The following CRK variants were observed in gnomAD, a reference collection of about 807,000 sequenced individuals.
CRK encodes CRK proto-oncogene, adaptor protein, also known as adapter molecule crk.
CRK carries 4 observed loss-of-function variants against 29.8 expected under a neutral mutation model. The observed-to-expected ratio is 0.13, with a 90% CI of 0.07 to 0.31. The LOEUF (loss-of-function observed/expected upper bound fraction) is 0.31, where lower values mean the gene tolerates loss of function less well. Among genes scored for constraint, CRK ranks in the 10% least tolerant of loss-of-function variants. The probability of loss-of-function intolerance (pLI) is 1.00; values close to 1 mark genes in which losing one functional copy is unlikely to be tolerated. For synonymous variants in CRK, 153 were observed against 164.9 expected, an observed-to-expected ratio of 0.93 and a Z score of 0.55; for missense variants, 274 against 396.5, an observed-to-expected ratio of 0.69 and a Z score of 2.62.
Position 1,436,733 on chromosome 17 carries a change from C to A in CRK, c.664G>T (p.Ala222Ser). Residue 222 changes from alanine (A) to serine (S), a missense_variant, in exon 2 of 3, where the codon GCC becomes TCC. Transcript: ENST00000300574. ...AGCGGAGTGTTGACGCTGGGTTGGG[C>A]ATAGGGCCCAGGCTCCGGCCCACCC... ...PLGGPEPGPYAQPSVNTPLPN... is the reference protein window; with the variant it reads ...PLGGPEPGPYSQPSVNTPLPN... The A allele has an allele frequency of 6.2e-7, 1 of 1,603,202 alleles. No homozygotes were observed. Among genetic ancestry groups the A allele is most frequent in the South Asian group, 1.1e-5 (1 of 89,300 alleles).
intron 1 of CRK, among the ~76,000 whole-genome samples, chr17:1,443,381 T>C (rs1301497525): frequency 3.3e-5 from 5 of 151,798 alleles, no homozygotes; most frequent in South Asian, 4.2e-4. Context: ...AGCTAATTTT[T>C]GTATTTTTTA....
chr17:1,445,756 A>G (rs1242205817), intron 1 of CRK, among the ~76,000 whole-genome samples: 3 of 152,194 alleles, frequency 2.0e-5, no homozygotes, highest in Admixed American at 2.0e-4. Flanking sequence ...AGAAAACTCT[A>G]GGGCAGAGTG....
At chr17:1,440,702 G>A (rs889236816) in intron 1 of CRK, among the ~76,000 whole-genome samples, 3 of 152,224 alleles carry the variant, frequency 2.0e-5, no homozygotes, top group Admixed American at 1.3e-4. Context: ...CATGAGGACA[G>A]GAGAGCGAGA....
In CRK at chr17:1,456,030, G is replaced by C; in HGVS notation, c.88C>G (p.Gln30Glu). Residue 30 changes from glutamine (Q) to glutamate (E), a missense_variant, in exon 1 of 3, where the codon CAG (glutamine) becomes GAG (glutamate). Coordinates refer to ENST00000300574, the MANE Select transcript of CRK (RefSeq NM_016823.4). ...CGCACCAGGAACACCCCGTGCCGCT[G>C]GCCCTGCAGCAGCGCCACCGCCTCC... is the stretch of plus-strand genomic sequence containing the variant. ...RQEAVALLQG[Q>E]RHGVFLVRDS... 1 of 1,596,344 alleles carries C rather than the reference G, an allele frequency of 6.3e-7. No homozygotes were observed. Among genetic ancestry groups the C allele is most frequent in the Non-Finnish European group, 8.5e-7 (1 of 1,173,370 alleles).
chr17:1,450,410 G>C (rs1262151143), intron 1 of CRK, among the ~76,000 whole-genome samples: 1 of 152,108 alleles, frequency 6.6e-6, no homozygotes, highest in Non-Finnish European at 1.5e-5. Context: ...AGGAGGCTGA[G>C]GGAGGAGAAT....
chr17:1,429,044 C>T (rs963426035), intron 2 of CRK, among the ~76,000 whole-genome samples: 2 of 151,924 alleles, frequency 1.3e-5, no homozygotes, highest in Non-Finnish European at 2.9e-5. Context: ...GATGGGGTTT[C>T]ACCATGTTGG....
rs889227428 is a variant in CRK, at chr17:1,456,098, G to A, written c.20C>T (p.Ser7Leu). 2 of 1,554,122 alleles carry A rather than the reference G, an allele frequency of 1.3e-6. No homozygotes were observed. Among genetic ancestry groups the A allele is most frequent in the Non-Finnish European group, 1.7e-6 (2 of 1,153,790 alleles). Residue 7 changes from serine (S) to leucine (L), a missense_variant, in exon 1 of 3, where the codon TCG becomes TTG. Coordinates refer to ENST00000300574, the MANE Select transcript of CRK (RefSeq NM_016823.4). ...CCAGTACCAGCTACTCCGCTCCTCCGAGTCGAAGTTGCCCGCCATGGCTGC... is the reference window on the plus strand; with the variant it reads ...CCAGTACCAGCTACTCCGCTCCTCCAAGTCGAAGTTGCCCGCCATGGCTGC... MAGNFD[S>L]EERSSWYWGR... is the part of the protein sequence containing the mutation.
chr17:1,445,589 G>T lies in CRK; in HGVS notation c.242-8434C>A, dbSNP rs547086581. Among the ~76,000 whole-genome samples the T allele has an allele frequency of 2.6e-5, 4 of 152,328 alleles. No individual in the cohort carries two copies. In the East Asian group the frequency reaches 7.7e-4, roughly 29 times the overall value. On this transcript the variant is annotated intron_variant, in intron 1 of 2. Transcript: ENST00000300574. ...TTTATTGAGGAGGATCACTGATGGA[G>T]AATAATTCCTATTCAAGTCTGGTAG...
intron 1 of CRK, among the ~76,000 whole-genome samples, chr17:1,440,751 C>T (rs866783523): frequency 3.3e-5 from 5 of 151,892 alleles, no homozygotes; most frequent in African/African-American, 1.2e-4. Flanking sequence ...AACAAAAAAA[C>T]CATTAGCCAG....
Position 1,454,992 on chromosome 17 carries a change from C to T in CRK, c.241+885G>A, listed in dbSNP as rs530938937. On this transcript the variant is annotated intron_variant, in intron 1 of 2. Coordinates refer to ENST00000300574, the MANE Select transcript of CRK (RefSeq NM_016823.4). ...AGACTCAGCCCGCAGCCCCATCTTA[C>T]TGAGCAAGGTGACGCCCTGAAGTAC... Among the ~76,000 whole-genome samples the T allele has an allele frequency of 7.9e-5, 12 of 152,300 alleles. No individual in the cohort carries two copies. The South Asian group carries it at 2.5e-3, about 32-fold the overall frequency.
intron 1 of CRK, among the ~76,000 whole-genome samples, chr17:1,450,320 A>C (rs896946117): frequency 3.9e-5 from 6 of 151,984 alleles, no homozygotes; most frequent in East Asian, 1.9e-4. Flanking sequence ...CATCCTGGCT[A>C]ACACGGTGAA....
At chr17:1,433,652 G>T (rs1276382430) in intron 2 of CRK, among the ~76,000 whole-genome samples, 1 of 150,162 alleles carries the variant, frequency 6.7e-6, no homozygotes, top group African/African-American at 2.5e-5. Context: ...CCGAGTAGCT[G>T]GAATTACAGG....
chr17:1,420,764 C>T lies in CRK; in HGVS notation c.*2749G>A, dbSNP rs1201889036. 1 of 151,814 alleles carries T rather than the reference C, an allele frequency of 6.6e-6. No individual in the cohort carries two copies. Among genetic ancestry groups the T allele is most frequent in the South Asian group, 2.1e-4 (1 of 4,820 alleles). The allele number at this position is 151,814 out of a possible 1,614,324, so 9.4% of individuals were successfully genotyped here. A position where few individuals can be genotyped will look rare whatever the true frequency, so the allele number is the denominator to read the frequency against. ...TTACTACATATACTATAAACATATA[C>T]AATACATGCTACCAAAAAAAATTTT... is the stretch of plus-strand genomic sequence containing the variant. On this transcript the variant is annotated 3_prime_UTR_variant, in exon 3 of 3. Coordinates refer to ENST00000300574, the MANE Select transcript of CRK (RefSeq NM_016823.4).
rs953708188 is a variant in CRK, at chr17:1,421,686, A to T, written c.*1827T>A. 4 of 152,108 alleles carry T rather than the reference A, an allele frequency of 2.6e-5. No individual in the cohort carries two copies. Among genetic ancestry groups the T allele is most frequent in the Non-Finnish European group, 4.4e-5 (3 of 68,026 alleles). 9.4% of individuals were successfully genotyped at this position (152,108 alleles called of 1,614,324 possible). A position where few individuals can be genotyped will look rare whatever the true frequency, so the allele number is the denominator to read the frequency against. Reference sequence around the variant, plus strand: ...TTCTCAGGTCTCCTCATTCACTCAGACAAATACGTGCACACTGACTGTGTG... The same window carrying T: ...TTCTCAGGTCTCCTCATTCACTCAGTCAAATACGTGCACACTGACTGTGTG... On this transcript the variant is annotated 3_prime_UTR_variant, in exon 3 of 3. Coordinates refer to ENST00000300574, the MANE Select transcript of CRK (RefSeq NM_016823.4).
chr17:1,452,516 G>A (rs2074025535), intron 1 of CRK, among the ~76,000 whole-genome samples: 1 of 152,140 alleles, frequency 6.6e-6, no homozygotes, highest in Non-Finnish European at 1.5e-5. Flanking sequence ...GCCAGGCGCT[G>A]GTGGCTCACG....
At position 1,420,930 on chromosome 17, in the gene CRK, C is replaced by T. The variant is rs1448854561; in HGVS notation, c.*2583G>A. 1 of 152,074 alleles carries T rather than the reference C, an allele frequency of 6.6e-6. No homozygotes were observed. Among genetic ancestry groups the T allele is most frequent in the Non-Finnish European group, 1.5e-5 (1 of 68,020 alleles). 9.4% of individuals were successfully genotyped at this position (152,074 alleles called of 1,614,324 possible). ...TTACTTGTGGATAATTAAAAATTAT[C>T]TATTTGCATTATTAACAATAAACAA... On this transcript the variant is annotated 3_prime_UTR_variant, in exon 3 of 3. Coordinates refer to ENST00000300574, the MANE Select transcript of CRK (RefSeq NM_016823.4).
intron 2 of CRK, among the ~76,000 whole-genome samples, chr17:1,431,005 T>C (rs866867526): frequency 3.3e-5 from 5 of 151,800 alleles, no homozygotes; most frequent in Admixed American, 6.6e-5. Context: ...GAGGCGGAGC[T>C]CGCAGTGAGC....
intron 2 of CRK, among the ~76,000 whole-genome samples, chr17:1,429,957 C>T (rs1041424568): frequency 2.0e-5 from 3 of 150,420 alleles, no homozygotes; most frequent in Non-Finnish European, 3.0e-5. Flanking sequence ...ACCAAAAACA[C>T]GAATCTTTTC....
chr17:1,430,655 A>C (rs62089614), intron 2 of CRK, among the ~76,000 whole-genome samples: 1 of 150,274 alleles, frequency 6.7e-6, no homozygotes, highest in Admixed American at 6.6e-5. Flanking sequence ...GTGAGCCACC[A>C]CACCCAGCCT....
Sources: gnomAD v4.1 joint callset for allele counts (sites outside exome capture counted in the v4.1 genomes callset) on GRCh38, gnomAD v4.1.1 for gene constraint, MANE v1.5 for transcripts, NCBI Gene and HGNC (gene_info 2026-07-23, HGNC 2026-07-21) for gene names.